The following GRAMD1B variants were observed in gnomAD, a reference collection of about 807,000 sequenced individuals.
GRAMD1B encodes protein Aster-B.
A neutral mutation model predicts 99.7 loss-of-function variants in GRAMD1B; 37 were observed. That is an observed-to-expected ratio of 0.37 (90% confidence interval 0.29 to 0.49). The LOEUF (loss-of-function observed/expected upper bound fraction) is 0.49. GRAMD1B is among the 20% of genes least tolerant of loss of function. The pLI, the probability that GRAMD1B is intolerant of heterozygous loss-of-function variation, is 0.98. For synonymous variants in GRAMD1B, 427 were observed against 387.6 expected (o/e 1.10, Z -1.19); for missense variants, 888 against 1,009.2 (o/e 0.88, Z 1.63).
chr11:123,366,318 TAG>T (rs1464437717), intron 1 of GRAMD1B, among the ~76,000 whole-genome samples: 3 of 152,260 alleles, frequency 2.0e-5, no homozygotes, highest in Non-Finnish European at 2.9e-5. Context: ...GCTATTTTTT[TAG>T]AGTGTTGGCC....
intron 19 of GRAMD1B, among the ~76,000 whole-genome samples, chr11:123,621,201 CTT>C (rs1592321393): frequency 6.6e-6 from 1 of 152,162 alleles, no homozygotes; most frequent in African/African-American, 2.4e-5. Context: ...AGAGACCAGA[CTT>C]TCCCTAAATC....
rs36123733 is a variant in GRAMD1B, at chr11:123,445,818, C to CAAAA, written c.374+14669_374+14672dup. 5.6e-3 allele frequency among the ~76,000 whole-genome samples: 522 copies of CAAAA among 94,046 alleles called. 2 individuals are homozygous for CAAAA. The highest frequency in any genetic ancestry group is 0.021 in the Middle Eastern group (4 of 188). 61.7% of individuals were successfully genotyped at this position (94,046 alleles called of 152,430 possible). On this transcript the variant is annotated intron_variant, in intron 1 of 19. Coordinates refer to ENST00000635736, the MANE Select transcript of GRAMD1B (RefSeq NM_001387025.1). Reference sequence around the variant, plus strand: ...TGGGGAACAGAGTGACACTTGTCTCCAAAAAAAAAAAAAAAAAAAACAAGA... The same window carrying CAAAA: ...TGGGGAACAGAGTGACACTTGTCTCCAAAAAAAAAAAAAAAAAAAAAAAACAAGA...
At chr11:123,442,797 TG>T (rs1806579184) in intron 1 of GRAMD1B, among the ~76,000 whole-genome samples, 1 of 152,038 alleles carries the variant, frequency 6.6e-6, no homozygotes, top group South Asian at 2.1e-4. Flanking sequence ...AATAAAATAA[TG>T]GCTACTCTTT....
chr11:123,432,195 G>T (rs1019302284), intron 1 of GRAMD1B: 3 of 395,456 alleles, frequency 7.6e-6, no homozygotes, highest in Non-Finnish European at 1.3e-5. Context: ...GTTGAGGAGG[G>T]TGTGGGGGAA....
chr11:123,578,502 C>T, intron 3 of GRAMD1B: 1 of 1,089,836 alleles, frequency 9.2e-7, no homozygotes, highest in Non-Finnish European at 1.4e-6. Context: ...TCAGCACCCC[C>T]TCCCTCTGGC....
At chr11:123,528,397 G>A (rs1943015209) in intron 2 of GRAMD1B, among the ~76,000 whole-genome samples, 1 of 152,222 alleles carries the variant, frequency 6.6e-6, no homozygotes, top group Non-Finnish European at 1.5e-5. Flanking sequence ...TATATAAAAT[G>A]ATGGTAAATA....
intron 2 of GRAMD1B, among the ~76,000 whole-genome samples, chr11:123,523,785 A>G (rs1207697568): frequency 6.6e-6 from 1 of 151,960 alleles, no homozygotes; most frequent in Non-Finnish European, 1.5e-5. Flanking sequence ...ATAAAGGACA[A>G]CTCTTTGTAC....
intron 1 of GRAMD1B, among the ~76,000 whole-genome samples, chr11:123,405,224 G>C (rs1379007451): frequency 1.4e-5 from 2 of 145,574 alleles, no homozygotes; most frequent in South Asian, 4.2e-4. Flanking sequence ...GTGTGTGAAA[G>C]AGAGAGAGAG....
At chr11:123,512,814 C>T (rs12577152) in intron 2 of GRAMD1B, among the ~76,000 whole-genome samples, 28,250 of 148,934 alleles carry the variant, frequency 0.19, 3,122 homozygotes, top group East Asian at 0.48. Context: ...GAATGGACTT[C>T]AGGAGAGGGT....
intron 2 of GRAMD1B, among the ~76,000 whole-genome samples, chr11:123,508,326 A>AGG (rs1940637301): frequency 6.6e-6 from 1 of 152,164 alleles, no homozygotes; most frequent in Non-Finnish European, 1.5e-5. Context: ...TCTTATGATA[A>AGG]CTAACTTATT....
At chr11:123,482,916 G>A (rs67982647) in intron 2 of GRAMD1B, among the ~76,000 whole-genome samples, 17,248 of 151,908 alleles carry the variant, frequency 0.11, 1,359 homozygotes, top group East Asian at 0.4. Flanking sequence ...AAAATTAGTC[G>A]AGTGTGATGG....
At chr11:123,518,068 G>A (rs1405109603) in intron 2 of GRAMD1B, among the ~76,000 whole-genome samples, 4 of 152,136 alleles carry the variant, frequency 2.6e-5, no homozygotes, top group Admixed American at 2.6e-4. Flanking sequence ...CTTTTGTTAC[G>A]TGTGTAATTA....
chr11:123,491,814 C>T (rs932698134), intron 2 of GRAMD1B: 14 of 398,968 alleles, frequency 3.5e-5, no homozygotes, highest in South Asian at 1.3e-4. Context: ...CTTGAGGTCC[C>T]AGCTGCCATG....
intron 2 of GRAMD1B, among the ~76,000 whole-genome samples, chr11:123,533,524 T>G (rs1943639413): frequency 6.6e-6 from 1 of 152,088 alleles, no homozygotes; most frequent in Non-Finnish European, 1.5e-5. Context: ...CCTCCTGGGT[T>G]CAAGTGATTC....
In GRAMD1B at chr11:123,603,557, G is replaced by A; in HGVS notation, c.1166+16G>A. The A allele has an allele frequency of 6.6e-7, 1 of 1,525,346 alleles. No homozygotes were observed. The highest frequency in any genetic ancestry group is 9.1e-7 in the Non-Finnish European group (1 of 1,099,126). The allele number at this position is 1,525,346 out of a possible 1,614,324, so 94.5% of individuals were successfully genotyped here. On this transcript the variant is annotated intron_variant, in intron 9 of 19. Transcript: ENST00000635736. Reference sequence around the variant, plus strand: ...ACACAATGGGGTGAGTGAGGCCAAGGGCGGCTGCCCAGAGGCAGCCGTGCG... The same window carrying A: ...ACACAATGGGGTGAGTGAGGCCAAGAGCGGCTGCCCAGAGGCAGCCGTGCG...
Position 123,625,769 on chromosome 11 carries a change from A to G in GRAMD1B, c.*3174A>G, listed in dbSNP as rs1015404594. On this transcript the variant is annotated 3_prime_UTR_variant, in exon 20 of 20. Coordinates refer to ENST00000635736, the MANE Select transcript of GRAMD1B (RefSeq NM_001387025.1). ...CTTGGGGGTTAGGCCAGAGGCTGGGAAGACTGGGTGGACTTTCTCAATTGC... is the reference window on the plus strand; with the variant it reads ...CTTGGGGGTTAGGCCAGAGGCTGGGGAGACTGGGTGGACTTTCTCAATTGC... 1 of 152,334 alleles carries G rather than the reference A, an allele frequency of 6.6e-6. No individual in the cohort carries two copies. Among genetic ancestry groups the G allele is most frequent in the Admixed American group, 6.5e-5 (1 of 15,274 alleles). 9.4% of individuals were successfully genotyped at this position (152,334 alleles called of 1,614,324 possible). A position where few individuals can be genotyped will look rare whatever the true frequency, so the allele number is the denominator to read the frequency against.
At chr11:123,521,055 T>C (rs1942160541) in intron 2 of GRAMD1B, among the ~76,000 whole-genome samples, 1 of 152,192 alleles carries the variant, frequency 6.6e-6, no homozygotes, top group South Asian at 2.1e-4. Context: ...TTAAAGTCTT[T>C]CGTGCATGCC....
intron 1 of GRAMD1B, among the ~76,000 whole-genome samples, chr11:123,366,919 A>G (rs1946339282): frequency 1.3e-5 from 2 of 152,218 alleles, no homozygotes. Flanking sequence ...ACAAGAAACA[A>G]TGGGCCAGGT....
At chr11:123,418,958 C>T (rs924912996) in intron 1 of GRAMD1B, among the ~76,000 whole-genome samples, 1 of 152,194 alleles carries the variant, frequency 6.6e-6, no homozygotes, top group African/African-American at 2.4e-5. Context: ...GTGTGGATGG[C>T]AGTCACAGTC....
Sources: allele counts gnomAD v4.1 joint callset (sites outside exome capture counted in the v4.1 genomes callset), GRCh38; gene constraint gnomAD v4.1.1; transcripts MANE v1.5; gene names NCBI Gene and HGNC (gene_info 2026-07-23, HGNC 2026-07-21).